PAH: variants seen among roughly 807,000 people sequenced by gnomAD.
PAH encodes phenylalanine hydroxylase, also known as phenylalanine-4-hydroxylase.
Under a neutral mutation model 62.0 loss-of-function variants are expected in PAH, and 64 were observed. The ratio of observed to expected loss-of-function variants is 1.03; its 90% CI spans 0.84 to 1.27. The LOEUF is 1.27. PAH is among the 50% of genes most tolerant of loss of function. The probability of loss-of-function intolerance (pLI) is 0.00; values close to 1 mark genes in which losing one functional copy is unlikely to be tolerated. For synonymous variants in PAH, 195 were observed against 196.2 expected (o/e 0.99, Z 0.05); for missense variants, 579 against 542.8 (o/e 1.07, Z -0.66).
intron 1 of PAH, among the ~76,000 whole-genome samples, chr12:102,932,706 T>C (rs1294258741): frequency 1.3e-5 from 2 of 152,230 alleles, no homozygotes; most frequent in African/African-American, 4.8e-5. Flanking sequence ...GCTGAGTTCA[T>C]GAAAGGAGGC....
intron 4 of PAH, 100 bp from the exon 5 acceptor site, chr12:102,866,763 A>G: frequency 2.1e-6 from 2 of 946,806 alleles, no homozygotes; most frequent in Admixed American, 1.7e-5. Context: ...ATGACAGTGC[A>G]TGTCTCCTTC....
At chr12:102,859,660 T>C (rs1875625980) in intron 5 of PAH, among the ~76,000 whole-genome samples, 1 of 152,256 alleles carries the variant, frequency 6.6e-6, no homozygotes, top group Non-Finnish European at 1.5e-5. Context: ...GATGCAAGGC[T>C]GGTTCAACAT....
Position 102,912,856 on chromosome 12 carries a change from T to C in PAH, c.103A>G (p.Ile35Val). ...IEDNCNQNGA[I>V]SLIFSLKEEV... ...TCTTTGAGTGAGAAGATCAGTGATA[T>C]GGCACCATTTTGATTGCAGTTGTCT... The change falls in exon 2 of 13, where the codon ATA becomes GTA. Residue 35 changes from isoleucine to valine, a missense_variant. Ile to Val is a conservative substitution (Grantham distance 29). Coordinates refer to ENST00000553106, the MANE Select transcript of PAH (RefSeq NM_000277.3). 6 of 1,613,788 alleles carry C rather than the reference T, an allele frequency of 3.7e-6. No homozygotes were observed. The highest frequency in any genetic ancestry group is 5.1e-6 in the Non-Finnish European group (6 of 1,179,694).
At chr12:102,845,390 GGCACAACAGTGGGAGGT>G (rs1874792321) in intron 9 of PAH, among the ~76,000 whole-genome samples, 1 of 152,170 alleles carries the variant, frequency 6.6e-6, no homozygotes, top group Admixed American at 6.5e-5. Context: ...GAGCTCATTA[GGCACAACAGTGGGAGGT>G]AGCAGACTGG....
intron 2 of PAH, among the ~76,000 whole-genome samples, chr12:102,895,301 A>G (rs1294867896): frequency 1.3e-5 from 2 of 152,182 alleles, no homozygotes; most frequent in African/African-American, 4.8e-5. Context: ...ATAAATAAAT[A>G]ATATAGAAGC....
At chr12:102,859,725 C>T (rs1456285932) in intron 5 of PAH, among the ~76,000 whole-genome samples, 2 of 152,206 alleles carry the variant, frequency 1.3e-5, no homozygotes, top group Non-Finnish European at 2.9e-5. Flanking sequence ...ACAAAAACCA[C>T]ATGATTATCT....
At chr12:102,860,911 G>A (rs993585822) in intron 5 of PAH, among the ~76,000 whole-genome samples, 2 of 152,160 alleles carry the variant, frequency 1.3e-5, no homozygotes, top group Non-Finnish European at 2.9e-5. Flanking sequence ...TACCATTCAG[G>A]ACATAGGCAT....
intron 12 of PAH, 50 bp from the exon 13 acceptor site, chr12:102,839,268 A>T: frequency 6.3e-7 from 1 of 1,576,438 alleles, no homozygotes; most frequent in Non-Finnish European, 8.7e-7. Context: ...ATAAGCAAAA[A>T]CTCTTCAAGT....
intron 3 of PAH, among the ~76,000 whole-genome samples, chr12:102,879,090 C>G (rs946395463): frequency 6.6e-6 from 1 of 152,046 alleles, no homozygotes; most frequent in African/African-American, 2.4e-5. Context: ...TTCCATCTGC[C>G]TACTTATCCT....
chr12:102,934,114 T>G (rs1325651559), intron 1 of PAH, among the ~76,000 whole-genome samples: 6 of 152,224 alleles, frequency 3.9e-5, no homozygotes, highest in East Asian at 1.9e-4. Context: ...TGATGAGACA[T>G]AGGAATGTTG....
intron 1 of PAH, among the ~76,000 whole-genome samples, chr12:102,943,053 A>G (rs558891150): frequency 6.6e-6 from 1 of 152,276 alleles, no homozygotes; most frequent in Admixed American, 6.5e-5. Context: ...AATTGTTAAC[A>G]AAAAGAAAAA....
Position 102,839,226 on chromosome 12 carries a change from GA to G in PAH, c.1316-9del. On this transcript the variant is annotated splice_polypyrimidine_tract_variant and intron_variant, in intron 12 of 12. Coordinates refer to ENST00000553106, the MANE Select transcript of PAH (RefSeq NM_000277.3). ...AAAGGATTCCAATTTCACCTACAAA[GA>G]AAAACACCATCAAAATGGGCCACTT... 1 of 1,613,548 alleles carries G rather than the reference GA, an allele frequency of 6.2e-7. No individual in the cohort carries two copies. Among genetic ancestry groups the G allele is most frequent in the Non-Finnish European group, 8.5e-7 (1 of 1,179,596 alleles).
intron 5 of PAH, among the ~76,000 whole-genome samples, chr12:102,864,547 A>C (rs1473844907): frequency 4.6e-5 from 7 of 152,170 alleles, no homozygotes; most frequent in Admixed American, 4.6e-4. Flanking sequence ...GCAAAATCAC[A>C]AACGAAAGCA....
intron 3 of PAH, among the ~76,000 whole-genome samples, chr12:102,877,802 C>T (rs1876637865): frequency 6.6e-6 from 1 of 152,228 alleles, no homozygotes. Context: ...CTCCCTCCCA[C>T]CCGTCATGGT....
Position 102,839,234 on chromosome 12 carries a change from C to A in PAH, c.1316-16G>T. The stretch of plus-strand genomic sequence containing the variant: ...CCAATTTCACCTACAAAGAAAAACA[C>A]CATCAAAATGGGCCACTTGTATAAT... On this transcript the variant is annotated splice_polypyrimidine_tract_variant and intron_variant, in intron 12 of 12. Transcript: ENST00000553106. The A allele has an allele frequency of 6.2e-7, 1 of 1,613,244 alleles. No individual in the cohort carries two copies. The highest frequency in any genetic ancestry group is 8.5e-7 in the Non-Finnish European group (1 of 1,179,346).
At chr12:102,861,864 G>A (rs1875736095) in intron 5 of PAH, among the ~76,000 whole-genome samples, 1 of 150,632 alleles carries the variant, frequency 6.6e-6, no homozygotes, top group Non-Finnish European at 1.5e-5. Flanking sequence ...AGCATTAGGA[G>A]ATATACCTGA....
In PAH at chr12:102,868,071, T is replaced by C. The variant is rs1374210621; in HGVS notation, c.442-1408A>G. Among the ~76,000 whole-genome samples, 50 of 119,276 alleles carry C rather than the reference T, an allele frequency of 4.2e-4. 7 individuals carry two copies. The highest frequency in any genetic ancestry group is 1.7e-3 in the African/African-American group (47 of 28,170). The allele number at this position is 119,276 out of a possible 152,430, so 78.2% of individuals were successfully genotyped here. A position where few individuals can be genotyped will look rare whatever the true frequency, so the allele number is the denominator to read the frequency against. On this transcript the variant is annotated intron_variant, in intron 4 of 12. Transcript: ENST00000553106. The stretch of plus-strand genomic sequence containing the variant: ...ATATGTATATATATACACATATATA[T>C]ACATATATGTGTGTGTGTATATATA...
rs187041123 is a variant in PAH at position 102,909,061 on chromosome 12, C to A, written c.168+3730G>T. Among the ~76,000 whole-genome samples, 12 of 152,200 alleles carry A rather than the reference C, an allele frequency of 7.9e-5. No homozygotes were observed. The East Asian group carries it at 2.3e-3, about 29-fold the overall frequency. On this transcript the variant is annotated intron_variant, in intron 2 of 12. Coordinates refer to ENST00000553106, the MANE Select transcript of PAH (RefSeq NM_000277.3). ...CAGGCTGGTCTTAAACTCCTGACCT[C>A]AGGTGATACTCCCGCCTCAGCCTCT...
chr12:102,844,284 T>G, intron 10 of PAH, 52 bp downstream of exon 10: 1 of 1,281,232 alleles, frequency 7.8e-7, no homozygotes, highest in Non-Finnish European at 1.1e-6. Flanking sequence ...CAATAATGGT[T>G]TTCTGTACCC....
Sources: gnomAD v4.1 joint callset for allele counts (sites outside exome capture counted in the v4.1 genomes callset) on GRCh38, gnomAD v4.1.1 for gene constraint, MANE v1.5 for transcripts, NCBI Gene and HGNC (gene_info 2026-07-23, HGNC 2026-07-21) for gene names.